TTC39B: variants seen among roughly 807,000 people sequenced by gnomAD.
The protein encoded by TTC39B is tetratricopeptide repeat domain 39B.
TTC39B carries 92 observed loss-of-function variants against 96.6 expected under a neutral mutation model. The ratio of observed to expected loss-of-function variants is 0.95; its 90% CI spans 0.80 to 1.13. TTC39B has a LOEUF of 1.13. Ranked by LOEUF, TTC39B falls within the 50% of genes most tolerant of loss-of-function variation. The pLI, the probability that TTC39B is intolerant of heterozygous loss-of-function variation, is 0.00. For synonymous variants in TTC39B, 367 were observed against 299.4 expected, an observed-to-expected ratio of 1.23 and a Z score of -2.33; for missense variants, 955 against 809.3, an observed-to-expected ratio of 1.18 and a Z score of -2.18.
chr9:15,238,457 C>T (rs116685732), intron 2 of TTC39B, among the ~76,000 whole-genome samples: 3,390 of 152,216 alleles, frequency 0.022, 118 homozygotes, highest in African/African-American at 0.076. Flanking sequence ...ACAAAATCAA[C>T]GTACAAAAAT....
intron 13 of TTC39B, 39 bp downstream of exon 13, chr9:15,189,535 C>G (rs753211378): frequency 3.7e-6 from 6 of 1,607,634 alleles, no homozygotes; most frequent in Non-Finnish European, 5.1e-6. Context: ...AGTCGCCATA[C>G]AGACAACTCC....
chr9:15,216,409 T>G (rs764387668), intron 3 of TTC39B, among the ~76,000 whole-genome samples: 1 of 151,988 alleles, frequency 6.6e-6, no homozygotes, highest in Non-Finnish European at 1.5e-5. Flanking sequence ...TAGGATGGAG[T>G]AGAACCGAGG....
chr9:15,260,938 A>G (rs1822922608), intron 2 of TTC39B, among the ~76,000 whole-genome samples: 1 of 152,206 alleles, frequency 6.6e-6, no homozygotes, highest in African/African-American at 2.4e-5. Context: ...TTGAACACAT[A>G]TGAGTTTCTA....
intron 2 of TTC39B, among the ~76,000 whole-genome samples, chr9:15,247,992 T>C (rs1462020746): frequency 1.3e-5 from 2 of 152,216 alleles, no homozygotes; most frequent in Admixed American, 6.5e-5. Flanking sequence ...GCAACTGAGT[T>C]AGTCTTTGTG....
chr9:15,197,695 T>C (rs1476627549), intron 8 of TTC39B, among the ~76,000 whole-genome samples: 1 of 152,094 alleles, frequency 6.6e-6, no homozygotes, highest in African/African-American at 2.4e-5. Flanking sequence ...AGGCACATCA[T>C]AGTCAAACTA....
At chr9:15,251,895 C>T (rs1168682430) in intron 2 of TTC39B, among the ~76,000 whole-genome samples, 2 of 151,786 alleles carry the variant, frequency 1.3e-5, no homozygotes, top group Non-Finnish European at 2.9e-5. Context: ...TATGCAATGA[C>T]AGTCCATTTG....
At chr9:15,245,856 A>G (rs566691130) in intron 2 of TTC39B, among the ~76,000 whole-genome samples, 75 of 152,368 alleles carry the variant, frequency 4.9e-4, no homozygotes, top group Non-Finnish European at 8.8e-4. Flanking sequence ...TGAAATTCAC[A>G]TCAAACTCAT....
chr9:15,258,832 A>G (rs182272072), intron 2 of TTC39B, among the ~76,000 whole-genome samples: 7 of 152,294 alleles, frequency 4.6e-5, no homozygotes, highest in South Asian at 2.1e-4. Context: ...AGTGTTGCTA[A>G]GGAGCTTTCC....
At chr9:15,281,453 C>G (rs1485892624) in intron 1 of TTC39B, among the ~76,000 whole-genome samples, 1 of 152,164 alleles carries the variant, frequency 6.6e-6, no homozygotes, top group Non-Finnish European at 1.5e-5. Flanking sequence ...TGCCCTCCCT[C>G]TCTTGGTATC....
At chr9:15,269,015 C>T (rs550651293) in intron 1 of TTC39B, among the ~76,000 whole-genome samples, 2 of 152,284 alleles carry the variant, frequency 1.3e-5, no homozygotes, top group South Asian at 2.1e-4. Flanking sequence ...TCTTTCCGTT[C>T]CTTGGACAAG....
chr9:15,279,892 C>CTTTTTTT (rs1164750793), intron 1 of TTC39B, among the ~76,000 whole-genome samples: 29 of 101,846 alleles, frequency 2.8e-4, no homozygotes, highest in East Asian at 5.1e-4. Context: ...TTTTTCTTTT[C>CTTTTTTT]TTTTTTTTTT....
chr9:15,248,467 T>A (rs1047867110), intron 2 of TTC39B, among the ~76,000 whole-genome samples: 1 of 152,202 alleles, frequency 6.6e-6, no homozygotes, highest in Non-Finnish European at 1.5e-5. Context: ...ACAATTTTAA[T>A]GAAATTAGGT....
chr9:15,220,023 T>C (rs1279409771), intron 3 of TTC39B, among the ~76,000 whole-genome samples: 2 of 152,226 alleles, frequency 1.3e-5, no homozygotes, highest in African/African-American at 4.8e-5. Flanking sequence ...CGTCTGACTC[T>C]TGCATCAATA....
chr9:15,210,426 A>G lies in TTC39B; in HGVS notation c.615-262T>C, dbSNP rs942149820. On this transcript the variant is annotated intron_variant, in intron 5 of 19. Transcript: ENST00000512701. Reference sequence around the variant, plus strand: ...ACACACCAATGAAAACTAACCTCCAAAGTACCTTCCCTTATCCCTATAACT... The same window carrying G: ...ACACACCAATGAAAACTAACCTCCAGAGTACCTTCCCTTATCCCTATAACT... Among the ~76,000 whole-genome samples the G allele has an allele frequency of 3.9e-5, 6 of 152,348 alleles. No homozygotes were observed. In the East Asian group the frequency reaches 1.2e-3, roughly 29 times the overall value.
intron 1 of TTC39B, among the ~76,000 whole-genome samples, chr9:15,275,570 C>T (rs188298700): frequency 6.6e-6 from 1 of 152,264 alleles, no homozygotes; most frequent in African/African-American, 2.4e-5. Context: ...AGAGTCCTTG[C>T]TTTAAGGAAG....
intron 2 of TTC39B, among the ~76,000 whole-genome samples, chr9:15,240,456 T>C (rs619105): frequency 0.59 from 89,378 of 152,054 alleles, 27,997 homozygotes; most frequent in African/African-American, 0.8. Context: ...TTAGTATTAT[T>C]TGTAGGGCGT....
chr9:15,284,286 A>AT (rs1587006475), intron 1 of TTC39B, among the ~76,000 whole-genome samples: 2 of 152,262 alleles, frequency 1.3e-5, no homozygotes, highest in East Asian at 3.8e-4. Context: ...GAAAATAAGC[A>AT]TATACTATCA....
At position 15,179,443 on chromosome 9, in the gene TTC39B, C is replaced by T. The variant is rs1353101982; in HGVS notation, c.1724-1629G>A. Among the ~76,000 whole-genome samples the T allele has an allele frequency of 2.0e-5, 3 of 152,180 alleles. No individual in the cohort carries two copies. In the East Asian group the frequency reaches 5.8e-4, roughly 29 times the overall value. The stretch of plus-strand genomic sequence containing the variant: ...TTAACCAACCAGAAAGGGGTTACTT[C>T]TTAGGTGCTGAAAACTGAATATTCA... On this transcript the variant is annotated intron_variant, in intron 17 of 19. Transcript: ENST00000512701.
intron 17 of TTC39B, among the ~76,000 whole-genome samples, chr9:15,181,171 C>T (rs1002560445): frequency 2.0e-5 from 3 of 152,178 alleles, no homozygotes; most frequent in African/African-American, 7.2e-5. Flanking sequence ...GTAGGCTGGG[C>T]TCCTGGAGTG....
Sources: gnomAD v4.1 joint callset for allele counts (sites outside exome capture counted in the v4.1 genomes callset) on GRCh38, gnomAD v4.1.1 for gene constraint, MANE v1.5 for transcripts, NCBI Gene and HGNC (gene_info 2026-07-23, HGNC 2026-07-21) for gene names.